CDH18: variants seen among roughly 807,000 people sequenced by gnomAD.
CDH18 encodes the protein cadherin-18.
CDH18 carries 31 observed loss-of-function variants against 67.9 expected under a neutral mutation model. The observed-to-expected ratio is 0.46, with a 90% CI of 0.34 to 0.62. CDH18 has a LOEUF of 0.62. Among genes scored for constraint, CDH18 ranks in the 20% least tolerant of loss-of-function variants. The probability of loss-of-function intolerance (pLI) is 0.01; values close to 1 mark genes in which losing one functional copy is unlikely to be tolerated. For missense variants in CDH18, 890 were observed against 975.5 expected (o/e 0.91, Z 1.17); for synonymous variants, 362 against 347.2 (o/e 1.04, Z -0.48).
intron 5 of CDH18, among the ~76,000 whole-genome samples, chr5:19,641,247 T>C (rs1753958666): frequency 6.6e-6 from 1 of 151,758 alleles, no homozygotes; most frequent in African/African-American, 2.4e-5. Flanking sequence ...CATGGTTATA[T>C]TCCACCAAAC....
intron 1 of CDH18, among the ~76,000 whole-genome samples, chr5:20,502,224 T>C (rs1255915710): frequency 6.6e-6 from 1 of 152,190 alleles, no homozygotes; most frequent in Non-Finnish European, 1.5e-5. Context: ...TGACTAGTTA[T>C]GTTGTTCAAT....
intron 2 of CDH18, among the ~76,000 whole-genome samples, chr5:20,172,347 T>TC (rs1399796603): frequency 1.3e-5 from 2 of 149,956 alleles, no homozygotes; most frequent in East Asian, 3.9e-4. Context: ...ATTGCCTTTT[T>TC]CCCTGTTCCA....
At chr5:20,364,391 G>C (rs890464229) in intron 1 of CDH18, among the ~76,000 whole-genome samples, 5 of 152,076 alleles carry the variant, frequency 3.3e-5, no homozygotes, top group African/African-American at 1.2e-4. Context: ...CATTATCTCA[G>C]GAGATATACT....
At chr5:20,501,589 ATATAT>A (rs1376254020) in intron 1 of CDH18, among the ~76,000 whole-genome samples, 86 of 14,028 alleles carry the variant, frequency 6.1e-3, no homozygotes, top group East Asian at 0.017. Flanking sequence ...TATTATATAT[ATATAT>A]TATATATATA....
intron 3 of CDH18, among the ~76,000 whole-genome samples, chr5:19,809,249 C>T (rs2149886213): frequency 6.6e-6 from 1 of 152,202 alleles, no homozygotes; most frequent in Middle Eastern, 3.4e-3. Context: ...GACATGGAGG[C>T]CATTCCCAAC....
intron 5 of CDH18, among the ~76,000 whole-genome samples, chr5:19,688,115 T>C (rs1194963532): frequency 2.0e-5 from 3 of 152,138 alleles, no homozygotes; most frequent in African/African-American, 7.2e-5. Flanking sequence ...CTAAGGGTTT[T>C]CCCACCACCA....
At chr5:19,487,101 A>G (rs1451336641) in intron 11 of CDH18, among the ~76,000 whole-genome samples, 1 of 152,210 alleles carries the variant, frequency 6.6e-6, no homozygotes, top group Non-Finnish European at 1.5e-5. Context: ...AAATTTAACA[A>G]TAAGACAGGA....
chr5:19,531,916 C>T (rs1465708965), intron 9 of CDH18, among the ~76,000 whole-genome samples: 1 of 152,090 alleles, frequency 6.6e-6, no homozygotes, highest in Non-Finnish European at 1.5e-5. Flanking sequence ...ATTCTCATTA[C>T]ATTTGAAAAA....
At chr5:20,094,615 T>C (rs1314197517) in intron 2 of CDH18, among the ~76,000 whole-genome samples, 1 of 152,204 alleles carries the variant, frequency 6.6e-6, no homozygotes, top group African/African-American at 2.4e-5. Context: ...TTTTCCCATT[T>C]CTTTGTGTCC....
At chr5:20,087,920 T>C (rs1276864929) in intron 2 of CDH18, among the ~76,000 whole-genome samples, 1 of 152,152 alleles carries the variant, frequency 6.6e-6, no homozygotes, top group Non-Finnish European at 1.5e-5. Flanking sequence ...CTAAAGTTCA[T>C]AGAATCAAGG....
At chr5:19,920,181 C>T (rs1241022687) in intron 2 of CDH18, among the ~76,000 whole-genome samples, 2 of 152,198 alleles carry the variant, frequency 1.3e-5, no homozygotes, top group East Asian at 3.9e-4. Context: ...TTTGAAATTT[C>T]GAAGTTATAA....
At chr5:20,210,454 G>A (rs942877370) in intron 2 of CDH18, among the ~76,000 whole-genome samples, 3 of 151,828 alleles carry the variant, frequency 2.0e-5, no homozygotes, top group Admixed American at 1.3e-4. Context: ...GAGCTTACAA[G>A]AATTTTATTT....
intron 5 of CDH18, among the ~76,000 whole-genome samples, chr5:19,697,283 G>A (rs914391574): frequency 2.6e-5 from 4 of 152,066 alleles, no homozygotes; most frequent in Non-Finnish European, 2.9e-5. Context: ...TAAGTCATAC[G>A]GGCTATTTGG....
At chr5:19,676,336 T>C (rs997209522) in intron 5 of CDH18, among the ~76,000 whole-genome samples, 1 of 151,980 alleles carries the variant, frequency 6.6e-6, no homozygotes. Context: ...ATTGAACAAA[T>C]GCAGAGAATC....
intron 5 of CDH18, among the ~76,000 whole-genome samples, chr5:19,628,882 A>G (rs1275182332): frequency 1.3e-5 from 2 of 152,122 alleles, no homozygotes; most frequent in African/African-American, 4.8e-5. Flanking sequence ...TAAGATTGAG[A>G]GAAAAGGTAA....
chr5:20,039,955 A>G (rs1266683614), intron 2 of CDH18, among the ~76,000 whole-genome samples: 1 of 152,178 alleles, frequency 6.6e-6, no homozygotes, highest in African/African-American at 2.4e-5. Context: ...CCATCTGACA[A>G]AGGGCTAATA....
intron 2 of CDH18, among the ~76,000 whole-genome samples, chr5:19,856,828 A>C (rs942504388): frequency 1.3e-5 from 2 of 152,252 alleles, no homozygotes; most frequent in East Asian, 3.9e-4. Context: ...TGTTTCGGCC[A>C]CCCACTCTTT....
intron 5 of CDH18, among the ~76,000 whole-genome samples, chr5:19,660,343 C>T (rs1561560303): frequency 6.6e-6 from 1 of 152,070 alleles, no homozygotes; most frequent in Admixed American, 6.6e-5. Flanking sequence ...TCATTTTTTA[C>T]AGTGAAACAC....
At chr5:20,514,614 C>G (rs557260988) in intron 1 of CDH18, among the ~76,000 whole-genome samples, 107 of 151,992 alleles carry the variant, frequency 7.0e-4, no homozygotes, top group Non-Finnish European at 1.3e-3. Context: ...GCATGTGTGT[C>G]TGGGTGTGTT....
Sources: gnomAD v4.1 joint callset for allele counts (sites outside exome capture counted in the v4.1 genomes callset) on GRCh38, gnomAD v4.1.1 for gene constraint, MANE v1.5 for transcripts, NCBI Gene and HGNC (gene_info 2026-07-23, HGNC 2026-07-21) for gene names.